AGBL4: variants seen among roughly 807,000 people sequenced by gnomAD.
The protein encoded by AGBL4 is AGBL carboxypeptidase 4.
A neutral mutation model predicts 66.4 loss-of-function variants in AGBL4; 58 were observed. That is an observed-to-expected ratio of 0.87 (90% CI 0.71 to 1.09). The LOEUF (loss-of-function observed/expected upper bound fraction) is 1.09, where lower values mean the gene tolerates loss of function less well. AGBL4 is among the 50% of genes least tolerant of loss of function. The pLI is 0.00. For missense variants in AGBL4, 579 were observed against 631.0 expected, an observed-to-expected ratio of 0.92 and a Z score of 0.88; for synonymous variants, 234 against 222.9, an observed-to-expected ratio of 1.05 and a Z score of -0.44.
At chr1:49,361,836 A>G (rs1644142557) in intron 3 of AGBL4, among the ~76,000 whole-genome samples, 3 of 152,040 alleles carry the variant, frequency 2.0e-5, no homozygotes, top group Admixed American at 1.3e-4. Flanking sequence ...AGTCTCATGG[A>G]CCATGATAAC....
chr1:49,492,957 G>A (rs1210413003), intron 3 of AGBL4, among the ~76,000 whole-genome samples: 3 of 151,978 alleles, frequency 2.0e-5, no homozygotes, highest in Non-Finnish European at 4.4e-5. Context: ...CATGGTGGAA[G>A]GGGAAGCAAA....
intron 3 of AGBL4, among the ~76,000 whole-genome samples, chr1:49,670,617 C>T (rs1646458036): frequency 6.6e-6 from 1 of 152,134 alleles, no homozygotes; most frequent in South Asian, 2.1e-4. Context: ...CCAAGACAGA[C>T]TTGAGTAATA....
At chr1:49,026,380 C>T (rs1389575030) in intron 5 of AGBL4, among the ~76,000 whole-genome samples, 1 of 151,940 alleles carries the variant, frequency 6.6e-6, no homozygotes, top group Non-Finnish European at 1.5e-5. Flanking sequence ...CAAGGAGCAA[C>T]CAATTTAGAA....
chr1:49,677,136 C>T (rs370983441), intron 3 of AGBL4, among the ~76,000 whole-genome samples: 4 of 152,170 alleles, frequency 2.6e-5, no homozygotes, highest in South Asian at 2.1e-4. Context: ...TCCTGACATA[C>T]GCACATTGTA....
intron 6 of AGBL4, among the ~76,000 whole-genome samples, chr1:48,773,660 A>G (rs1213035819): frequency 6.6e-6 from 1 of 152,212 alleles, no homozygotes; most frequent in Non-Finnish European, 1.5e-5. Context: ...CATGCTGTGT[A>G]GCTGATGGGA....
At chr1:49,717,984 C>T (rs1182935749) in intron 2 of AGBL4, among the ~76,000 whole-genome samples, 1 of 152,050 alleles carries the variant, frequency 6.6e-6, no homozygotes, top group African/African-American at 2.4e-5. Context: ...AAGTAGATAA[C>T]TTCAATCCAA....
chr1:48,831,044 C>A (rs113254606), intron 6 of AGBL4, among the ~76,000 whole-genome samples: 1 of 152,006 alleles, frequency 6.6e-6, no homozygotes, highest in African/African-American at 2.4e-5. Context: ...GGAGCATTTT[C>A]GGGTAAGGAA....
intron 2 of AGBL4, among the ~76,000 whole-genome samples, chr1:49,711,114 G>A (rs1336511885): frequency 6.6e-6 from 1 of 152,102 alleles, no homozygotes; most frequent in South Asian, 2.1e-4. Context: ...TAACAAGGAT[G>A]TGAAGCAACT....
chr1:49,041,961 T>C (rs1195114378), intron 5 of AGBL4, among the ~76,000 whole-genome samples: 2 of 152,140 alleles, frequency 1.3e-5, no homozygotes, highest in Non-Finnish European at 2.9e-5. Context: ...TCTTTCAAGA[T>C]GGCTTAAAAG....
At chr1:50,007,529 G>A (rs958800471) in intron 1 of AGBL4, among the ~76,000 whole-genome samples, 22 of 152,170 alleles carry the variant, frequency 1.4e-4, no homozygotes, top group African/African-American at 4.8e-4. Flanking sequence ...TTGGGAGGTC[G>A]AGGAGGGAGG....
chr1:49,636,370 A>G (rs145412021), intron 3 of AGBL4, among the ~76,000 whole-genome samples: 7 of 152,306 alleles, frequency 4.6e-5, no homozygotes, highest in Non-Finnish European at 8.8e-5. Context: ...CTCTTCTTAT[A>G]CAGGCACTAA....
At chr1:49,102,561 T>C (rs1187238748) in intron 4 of AGBL4, among the ~76,000 whole-genome samples, 1 of 152,224 alleles carries the variant, frequency 6.6e-6, no homozygotes, top group Admixed American at 6.5e-5. Flanking sequence ...TAAGATTTGA[T>C]GTTACAATTT....
chr1:49,120,624 A>G (rs1038081404), intron 4 of AGBL4, among the ~76,000 whole-genome samples: 4 of 152,206 alleles, frequency 2.6e-5, no homozygotes, highest in South Asian at 4.1e-4. Context: ...GGCTTCCCTT[A>G]ACATTTTTTC....
At chr1:49,225,058 T>A (rs1285388120) in intron 4 of AGBL4, among the ~76,000 whole-genome samples, 1 of 152,202 alleles carries the variant, frequency 6.6e-6, no homozygotes, top group Non-Finnish European at 1.5e-5. Context: ...GATGCCAATA[T>A]GATAACAACG....
At chr1:49,055,014 G>A (rs1025403967) in intron 4 of AGBL4, among the ~76,000 whole-genome samples, 1 of 151,948 alleles carries the variant, frequency 6.6e-6, no homozygotes, top group Admixed American at 6.6e-5. Context: ...TACGACAGTT[G>A]TCTTTACAAA....
intron 3 of AGBL4, among the ~76,000 whole-genome samples, chr1:49,690,509 C>A (rs1477483187): frequency 1.3e-5 from 2 of 152,294 alleles, no homozygotes; most frequent in Non-Finnish European, 2.9e-5. Context: ...TGATCTTCAG[C>A]AAGTTATTCA....
intron 4 of AGBL4, among the ~76,000 whole-genome samples, chr1:49,093,274 G>A (rs1645032729): frequency 6.6e-6 from 1 of 152,100 alleles, no homozygotes; most frequent in South Asian, 2.1e-4. Flanking sequence ...TGCCTGGACT[G>A]ACAAGATAAT....
intron 4 of AGBL4, among the ~76,000 whole-genome samples, chr1:49,164,217 G>A (rs1436986697): frequency 1.1e-4 from 17 of 151,880 alleles, no homozygotes; most frequent in Non-Finnish European, 2.2e-4. Flanking sequence ...AGACCAAATG[G>A]GAGGCTAGAG....
intron 1 of AGBL4, among the ~76,000 whole-genome samples, chr1:49,898,186 T>G (rs910599743): frequency 1.3e-5 from 2 of 151,970 alleles, no homozygotes; most frequent in Admixed American, 1.3e-4. Flanking sequence ...ACCCACTAAA[T>G]GGGAGAAAAT....
Sources: allele counts gnomAD v4.1 joint callset (sites outside exome capture counted in the v4.1 genomes callset), GRCh38; gene constraint gnomAD v4.1.1; transcripts MANE v1.5; gene names NCBI Gene and HGNC (gene_info 2026-07-23, HGNC 2026-07-21).